Variants in DAB1 observed in about 807,000 individuals in gnomAD.
The protein encoded by DAB1 is DAB adaptor protein 1.
In DAB1, 15 loss-of-function variants were observed where a neutral mutation model predicts 64.6. That is an observed-to-expected ratio of 0.23 (90% CI 0.16 to 0.36). The LOEUF (loss-of-function observed/expected upper bound fraction) is 0.36, where lower values mean the gene tolerates loss of function less well. Ranked by LOEUF, DAB1 falls within the 10% of genes least tolerant of loss-of-function variation. The pLI, the probability that DAB1 is intolerant of heterozygous loss-of-function variation, is 1.00. For missense variants in DAB1, 596 were observed against 706.7 expected, an observed-to-expected ratio of 0.84 and a Z score of 1.78; for synonymous variants, 235 against 251.9, an observed-to-expected ratio of 0.93 and a Z score of 0.64.
intron 4 of DAB1, among the ~76,000 whole-genome samples, chr1:58,336,183 T>C (rs1663112494): frequency 1.3e-5 from 2 of 152,242 alleles, no homozygotes; most frequent in Non-Finnish European, 2.9e-5. Context: ...AAAATCTTTG[T>C]ACCAGAAGGA....
chr1:58,033,707 AAG>A (rs1647003336), intron 5 of DAB1, among the ~76,000 whole-genome samples: 1 of 152,336 alleles, frequency 6.6e-6, no homozygotes, highest in African/African-American at 2.4e-5. Context: ...TAGATTAATT[AAG>A]AGTGACATTA....
chr1:57,952,571 G>C (rs1448681438), intron 5 of DAB1, among the ~76,000 whole-genome samples: 3 of 152,132 alleles, frequency 2.0e-5, no homozygotes, highest in Non-Finnish European at 4.4e-5. Context: ...AGAGTAATAG[G>C]TAAAGGCAAA....
intron 5 of DAB1, among the ~76,000 whole-genome samples, chr1:57,932,994 A>G (rs1171015164): frequency 6.6e-6 from 1 of 152,156 alleles, no homozygotes; most frequent in East Asian, 1.9e-4. Context: ...ATGCCCTGGC[A>G]TTTTTCAAAA....
At chr1:57,026,353 T>C (rs866124496) in intron 9 of DAB1, among the ~76,000 whole-genome samples, 2 of 152,184 alleles carry the variant, frequency 1.3e-5, no homozygotes, top group Non-Finnish European at 2.9e-5. Context: ...CAGCAATGTC[T>C]CTCTTTTCTA....
At chr1:57,290,286 G>A (rs1039941011) in intron 2 of DAB1, among the ~76,000 whole-genome samples, 6 of 152,082 alleles carry the variant, frequency 3.9e-5, no homozygotes, top group African/African-American at 1.2e-4. Context: ...AAAGGATTTC[G>A]GGCTGGATTA....
chr1:57,365,560 T>A (rs1679927982), intron 1 of DAB1, among the ~76,000 whole-genome samples: 1 of 151,760 alleles, frequency 6.6e-6, no homozygotes, highest in South Asian at 2.1e-4. Flanking sequence ...AATACAACAT[T>A]AAACCCCATA....
intron 5 of DAB1, among the ~76,000 whole-genome samples, chr1:58,147,907 T>C (rs1654699236): frequency 6.6e-6 from 1 of 150,910 alleles, no homozygotes; most frequent in African/African-American, 2.4e-5. Context: ...CCAATTAGCA[T>C]TGGAGCAGGG....
At chr1:58,006,401 A>G (rs1167246627) in intron 5 of DAB1, among the ~76,000 whole-genome samples, 1 of 152,120 alleles carries the variant, frequency 6.6e-6, no homozygotes, top group South Asian at 2.1e-4. Flanking sequence ...TAAAGTCAGG[A>G]CTCAATAGCT....
chr1:58,460,600 A>G (rs1294525323), intron 3 of DAB1, among the ~76,000 whole-genome samples: 1 of 152,304 alleles, frequency 6.6e-6, no homozygotes, highest in Admixed American at 6.5e-5. Flanking sequence ...TTTATTTCTC[A>G]TAACTGTCTT....
intron 2 of DAB1, among the ~76,000 whole-genome samples, chr1:57,237,883 T>C (rs1327043540): frequency 6.6e-6 from 1 of 152,138 alleles, no homozygotes; most frequent in African/African-American, 2.4e-5. Context: ...AAGAGTGCAT[T>C]GGATATGGAC....
intron 2 of DAB1, among the ~76,000 whole-genome samples, chr1:57,181,144 T>C (rs1197065360): frequency 6.6e-6 from 1 of 152,190 alleles, no homozygotes; most frequent in African/African-American, 2.4e-5. Context: ...TAGTAGACGC[T>C]TGATAAAAGT....
chr1:57,600,385 C>T (rs942398888), intron 7 of DAB1, among the ~76,000 whole-genome samples: 1 of 152,190 alleles, frequency 6.6e-6, no homozygotes, highest in African/African-American at 2.4e-5. Context: ...GGGCTTGTCC[C>T]ATTGTTGAGA....
intron 7 of DAB1, among the ~76,000 whole-genome samples, chr1:57,453,457 T>C (rs1047060313): frequency 6.6e-6 from 1 of 152,186 alleles, no homozygotes; most frequent in African/African-American, 2.4e-5. Flanking sequence ...AGCCCCATAC[T>C]GTTTTACTGA....
chr1:57,471,541 A>G (rs970463799), intron 7 of DAB1, among the ~76,000 whole-genome samples: 3 of 152,194 alleles, frequency 2.0e-5, no homozygotes, highest in Non-Finnish European at 4.4e-5. Flanking sequence ...GTAGGAGGTA[A>G]TTGAATCATG....
intron 4 of DAB1, among the ~76,000 whole-genome samples, chr1:58,191,895 G>C (rs1026158545): frequency 6.6e-6 from 1 of 152,072 alleles, no homozygotes; most frequent in Admixed American, 6.5e-5. Context: ...ATTAATTAAT[G>C]CGTAAAAATA....
intron 5 of DAB1, among the ~76,000 whole-genome samples, chr1:58,082,936 T>C (rs1181740083): frequency 2.0e-5 from 3 of 152,168 alleles, no homozygotes; most frequent in Non-Finnish European, 4.4e-5. Context: ...GTTTGAAATT[T>C]ACTCTTCTCT....
At chr1:58,183,577 T>C (rs990714240) in intron 4 of DAB1, among the ~76,000 whole-genome samples, 3 of 152,000 alleles carry the variant, frequency 2.0e-5, no homozygotes, top group African/African-American at 7.2e-5. Context: ...TTTTTAACAA[T>C]GCCCCTGGAC....
chr1:57,402,443 G>A (rs1183875586), intron 1 of DAB1, among the ~76,000 whole-genome samples: 2 of 152,170 alleles, frequency 1.3e-5, no homozygotes, highest in African/African-American at 4.8e-5. Context: ...TTTAAGGGCA[G>A]TGAGTCCTTT....
At chr1:57,220,536 G>C (rs1557965540) in intron 2 of DAB1, among the ~76,000 whole-genome samples, 1 of 152,106 alleles carries the variant, frequency 6.6e-6, no homozygotes, top group Non-Finnish European at 1.5e-5. Context: ...TACAACCAGG[G>C]AAACAGAGCC....
Sources: allele counts gnomAD v4.1 joint callset (sites outside exome capture counted in the v4.1 genomes callset), GRCh38; gene constraint gnomAD v4.1.1; transcripts MANE v1.5; gene names NCBI Gene and HGNC (gene_info 2026-07-23, HGNC 2026-07-21).